Variants in ASPRV1 observed in about 807,000 individuals in gnomAD.
ASPRV1 encodes the protein retroviral-like aspartic protease 1.
A neutral mutation model predicts 11.0 loss-of-function variants in ASPRV1; 7 were observed. The ratio of observed to expected loss-of-function variants is 0.64; its 90% CI spans 0.36 to 1.20. The LOEUF is 1.20. ASPRV1 is among the 50% of genes most tolerant of loss of function. The pLI, the probability that ASPRV1 is intolerant of heterozygous loss-of-function variation, is 0.02. For synonymous variants in ASPRV1, 136 were observed against 138.4 expected, an observed-to-expected ratio of 0.98 and a Z score of 0.12; for missense variants, 299 against 320.0, an observed-to-expected ratio of 0.93 and a Z score of 0.50.
the ASPRV1 span, among the ~76,000 whole-genome samples, chr2:70,056,938 T>C: frequency 2.0e-5 from 3 of 151,986 alleles, no homozygotes; most frequent in Admixed American, 2.0e-4. Context: ...GGTTTTGCCA[T>C]GTTAGGCAAG....
At chr2:70,043,645 A>C in the ASPRV1 span, among the ~76,000 whole-genome samples, 1 of 152,260 alleles carries the variant, frequency 6.6e-6, no homozygotes, top group Non-Finnish European at 1.5e-5. Flanking sequence ...CGTGACCACC[A>C]GCCACAAAGG....
the ASPRV1 span, among the ~76,000 whole-genome samples, chr2:69,951,763 G>A: frequency 6.6e-6 from 1 of 151,856 alleles, no homozygotes; most frequent in African/African-American, 2.4e-5. Flanking sequence ...GAGTTTTAGG[G>A]GGGTTTTAGG....
chr2:70,041,916 G>A, the ASPRV1 span, among the ~76,000 whole-genome samples: 2 of 152,088 alleles, frequency 1.3e-5, no homozygotes, highest in Non-Finnish European at 2.9e-5. Context: ...TCCTTATGCA[G>A]ACACACAGGA....
the ASPRV1 span, among the ~76,000 whole-genome samples, chr2:69,981,194 G>C: frequency 1.3e-5 from 2 of 152,130 alleles, no homozygotes; most frequent in Non-Finnish European, 2.9e-5. Context: ...TTACTTGCAA[G>C]GATATTGCAC....
chr2:70,028,371 T>C, the ASPRV1 span: 1 of 152,258 alleles, frequency 6.6e-6, no homozygotes, highest in East Asian at 1.9e-4. Flanking sequence ...CGCTGAGTCT[T>C]TGGAAATTAG....
the ASPRV1 span, among the ~76,000 whole-genome samples, chr2:70,013,134 A>G: frequency 6.6e-6 from 1 of 152,248 alleles, no homozygotes; most frequent in African/African-American, 2.4e-5. Context: ...GAAGATGTGA[A>G]TAATTCACTG....
At chr2:70,074,341 T>G in the ASPRV1 span, among the ~76,000 whole-genome samples, 2 of 148,704 alleles carry the variant, frequency 1.3e-5, no homozygotes, top group East Asian at 4.2e-4. Flanking sequence ...CAGGCTGGAG[T>G]GCAGTGGCAC....
chr2:70,042,519 T>C, the ASPRV1 span, among the ~76,000 whole-genome samples: 12 of 152,186 alleles, frequency 7.9e-5, no homozygotes, highest in African/African-American at 2.6e-4. Flanking sequence ...AAGACAAAGT[T>C]TGTACTTCTA....
the ASPRV1 span, chr2:70,046,189 G>T: frequency 6.6e-6 from 1 of 152,212 alleles, no homozygotes; most frequent in Non-Finnish European, 1.5e-5. Flanking sequence ...GGAAGATGTG[G>T]TGTTTTGTTT....
the ASPRV1 span, chr2:69,942,883 T>G: frequency 6.6e-6 from 1 of 152,254 alleles, no homozygotes; most frequent in African/African-American, 2.4e-5. Context: ...ATCTTTGCTG[T>G]GTATATGTAA....
chr2:70,009,171 C>G, the ASPRV1 span, among the ~76,000 whole-genome samples: 18 of 152,272 alleles, frequency 1.2e-4, no homozygotes, highest in Admixed American at 5.9e-4. Flanking sequence ...AAATAATTAA[C>G]AGTGCCTACC....
the ASPRV1 span, among the ~76,000 whole-genome samples, chr2:69,990,612 C>T: frequency 5.9e-5 from 9 of 152,106 alleles, no homozygotes; most frequent in South Asian, 2.1e-4. Context: ...TGCCACACTT[C>T]GCTAATTTTT....
the ASPRV1 span, among the ~76,000 whole-genome samples, chr2:69,979,209 A>G: frequency 6.6e-6 from 1 of 151,882 alleles, no homozygotes; most frequent in Non-Finnish European, 1.5e-5. Context: ...TAATTTTTGT[A>G]TTTTTAGTAG....
chr2:70,020,598 C>G, the ASPRV1 span, among the ~76,000 whole-genome samples: 6 of 152,192 alleles, frequency 3.9e-5, no homozygotes, highest in Admixed American at 1.3e-4. Context: ...AAAAAATTAG[C>G]CGGTGTGGTG....
chr2:70,082,517 C>A, the ASPRV1 span, among the ~76,000 whole-genome samples: 110 of 152,202 alleles, frequency 7.2e-4, no homozygotes, highest in African/African-American at 2.4e-3. Flanking sequence ...TCGAGGCCAG[C>A]CTGACCAACA....
the ASPRV1 span, among the ~76,000 whole-genome samples, chr2:70,015,018 A>C: frequency 8.5e-5 from 13 of 152,164 alleles, no homozygotes; most frequent in African/African-American, 3.1e-4. Context: ...GCCAACAATC[A>C]TATGTAAAGA....
chr2:70,059,200 A>C, the ASPRV1 span, among the ~76,000 whole-genome samples: 3 of 148,578 alleles, frequency 2.0e-5, no homozygotes, highest in African/African-American at 5.0e-5. Context: ...CCACCAACTA[A>C]TTTTTTTAAA....
At chr2:70,074,481 G>C in the ASPRV1 span, among the ~76,000 whole-genome samples, 1 of 151,454 alleles carries the variant, frequency 6.6e-6, no homozygotes, top group African/African-American at 2.4e-5. Context: ...TAGAGACAGA[G>C]TTTCACCATA....
chr2:70,024,127 G>C, the ASPRV1 span, among the ~76,000 whole-genome samples: 141 of 147,680 alleles, frequency 9.5e-4, no homozygotes, highest in African/African-American at 3.4e-3. Flanking sequence ...AATAATATTA[G>C]CATGAAAAAT....
Sources: allele counts gnomAD v4.1 joint callset (sites outside exome capture counted in the v4.1 genomes callset), GRCh38; gene constraint gnomAD v4.1.1; transcripts MANE v1.5; gene names NCBI Gene and HGNC (gene_info 2026-07-23, HGNC 2026-07-21).